Variants in HOMER2 observed in about 807,000 individuals in gnomAD.
The protein encoded by HOMER2 is homer protein homolog 2.
A neutral mutation model predicts 47.0 loss-of-function variants in HOMER2; 27 were observed. That is an observed-to-expected ratio of 0.57 (90% confidence interval 0.42 to 0.79). The LOEUF (loss-of-function observed/expected upper bound fraction) is 0.79. Ranked by LOEUF, HOMER2 falls within the 30% of genes least tolerant of loss-of-function variation. HOMER2 has a pLI of 0.00. For synonymous variants in HOMER2, 161 were observed against 163.8 expected (o/e 0.98, Z 0.13); for missense variants, 443 against 435.0 (o/e 1.02, Z -0.16).
intron 3 of HOMER2, among the ~76,000 whole-genome samples, chr15:82,875,001 T>G (rs2151069616): frequency 6.6e-6 from 1 of 152,242 alleles, no homozygotes; most frequent in East Asian, 1.9e-4. Flanking sequence ...GAGCAGTGGC[T>G]GACACCTGGA....
intron 1 of HOMER2, among the ~76,000 whole-genome samples, chr15:82,964,911 G>A (rs976487854): frequency 2.6e-5 from 4 of 152,194 alleles, no homozygotes; most frequent in African/African-American, 9.7e-5. Context: ...CCATAGGTTT[G>A]GGAAATACTA....
At chr15:82,934,830 G>A (rs1426551800) in intron 1 of HOMER2, among the ~76,000 whole-genome samples, 1 of 152,202 alleles carries the variant, frequency 6.6e-6, no homozygotes, top group African/African-American at 2.4e-5. Flanking sequence ...GTGTTTCTCT[G>A]GTAGCCTTGC....
At chr15:82,962,364 C>CAA (rs34651312) in intron 1 of HOMER2, among the ~76,000 whole-genome samples, 28 of 44,086 alleles carry the variant, frequency 6.4e-4, no homozygotes, top group African/African-American at 8.6e-4. Context: ...GACTCCGTCT[C>CAA]AAAAAAAAAA....
At chr15:82,975,858 A>G (rs1236338308) in intron 1 of HOMER2, among the ~76,000 whole-genome samples, 1 of 152,234 alleles carries the variant, frequency 6.6e-6, no homozygotes, top group African/African-American at 2.4e-5. Context: ...CTAAGAGTGT[A>G]ATTGGATTGT....
At chr15:82,846,009 G>A (rs534735554), downstream of HOMER2, 8 of 152,382 alleles carry the variant, frequency 5.2e-5, no homozygotes, top group East Asian at 1.5e-3. Flanking sequence ...GAGCCTGCAG[G>A]CTGGAGACCA....
At chr15:82,956,339 G>C (rs2054587425), upstream of HOMER2, among the ~76,000 whole-genome samples, 1 of 152,028 alleles carries the variant, frequency 6.6e-6, no homozygotes, top group Non-Finnish European at 1.5e-5. Flanking sequence ...CAACGGCCCT[G>C]AGGTGGTAGA....
intron 5 of HOMER2, among the ~76,000 whole-genome samples, chr15:82,856,488 G>A (rs868018710): frequency 2.6e-5 from 4 of 152,036 alleles, no homozygotes; most frequent in Admixed American, 6.5e-5. Context: ...GTGTGGTAGC[G>A]TGCACCTGTG....
At chr15:82,982,709 T>C (rs1217335425) in intron 1 of HOMER2, among the ~76,000 whole-genome samples, 1 of 152,176 alleles carries the variant, frequency 6.6e-6, no homozygotes, top group Non-Finnish European at 1.5e-5. Context: ...CCTCAATACT[T>C]ACAAATAATG....
chr15:82,871,890 C>A (rs185504145), intron 3 of HOMER2, among the ~76,000 whole-genome samples: 5 of 152,350 alleles, frequency 3.3e-5, no homozygotes, highest in Admixed American at 3.3e-4. Flanking sequence ...ACCTTCCCCC[C>A]TTTCTACCTA....
intron 5 of HOMER2, among the ~76,000 whole-genome samples, chr15:82,856,859 G>A (rs2051604021): frequency 6.6e-6 from 1 of 152,200 alleles, no homozygotes; most frequent in African/African-American, 2.4e-5. Context: ...GGGACAGGCT[G>A]CCTCTGGTAG....
intron 1 of HOMER2, among the ~76,000 whole-genome samples, chr15:82,903,038 A>C (rs1203758170): frequency 6.6e-6 from 1 of 152,170 alleles, no homozygotes; most frequent in East Asian, 1.9e-4. Context: ...TTCCATAGTA[A>C]AATAAATTTA....
chr15:82,870,960 C>T (rs1380929907), intron 3 of HOMER2, among the ~76,000 whole-genome samples: 1 of 152,194 alleles, frequency 6.6e-6, no homozygotes, highest in Non-Finnish European at 1.5e-5. Flanking sequence ...AGGTCAAATG[C>T]CAGAAAGAAA....
chr15:82,876,678 C>A (rs990021973), intron 2 of HOMER2, among the ~76,000 whole-genome samples: 5 of 152,208 alleles, frequency 3.3e-5, no homozygotes, highest in Non-Finnish European at 7.3e-5. Context: ...AAAGAGTGAA[C>A]CTACCAGCAA....
chr15:82,915,484 G>C (rs769781065), intron 1 of HOMER2, among the ~76,000 whole-genome samples: 3 of 152,060 alleles, frequency 2.0e-5, no homozygotes, highest in Non-Finnish European at 4.4e-5. Flanking sequence ...TGAGAGGAGT[G>C]GATCACTTGA....
intron 1 of HOMER2, among the ~76,000 whole-genome samples, chr15:82,927,741 T>C (rs1356282315): frequency 2.0e-5 from 3 of 151,932 alleles, no homozygotes; most frequent in South Asian, 2.1e-4. Flanking sequence ...GAGGCCAAGG[T>C]GGGTGGATCA....
At chr15:82,957,254 G>A (rs1274434706), upstream of HOMER2, among the ~76,000 whole-genome samples, 6 of 151,514 alleles carry the variant, frequency 4.0e-5, no homozygotes, top group Admixed American at 2.0e-4. Flanking sequence ...ACTCTAGCAC[G>A]GGCAACAGAA....
At position 82,890,679 on chromosome 15, in the gene HOMER2, T is replaced by C. The variant is rs117297374; in HGVS notation, c.162+2006A>G. On this transcript the variant is annotated intron_variant, in intron 2 of 8. Coordinates refer to ENST00000450735, the MANE Select transcript of HOMER2 (RefSeq NM_004839.4). ...GACGAATTACTAAAAGCTCAGCTAA[T>C]AGGACTAAAGCACTTGCTCTAAGAA... Among the ~76,000 whole-genome samples the C allele has an allele frequency of 3.9e-3, 595 of 152,352 alleles. 2 individuals carry two copies. The highest frequency in any genetic ancestry group is 6.3e-3 in the Non-Finnish European group (427 of 68,032).
Position 82,849,749 on chromosome 15 carries a change from C to A in HOMER2, c.998G>T (p.Arg333Leu), listed in dbSNP as rs746045063. ...DGKIDDLHDF[R>L]RGLSKLGTDN ...GGTGCCCAGCTTGGAGAGCCCTCGGCGGAAGTCATGCAGGTCGTCAATCTT... is the reference window on the plus strand; with the variant it reads ...GGTGCCCAGCTTGGAGAGCCCTCGGAGGAAGTCATGCAGGTCGTCAATCTT... Residue 333 changes from arginine to leucine, a missense_variant, in exon 9 of 9, where the codon CGC becomes CTC. By Grantham distance (102) the Arg-to-Leu change is moderately radical. Transcript: ENST00000450735. 1.2e-6 allele frequency: 2 copies of A among 1,613,816 alleles called. No homozygotes were observed. The highest frequency in any genetic ancestry group is 1.1e-5 in the South Asian group (1 of 91,054).
chr15:82,962,432 C>T (rs1449168539), intron 1 of HOMER2, among the ~76,000 whole-genome samples: 1 of 151,286 alleles, frequency 6.6e-6, no homozygotes, highest in Non-Finnish European at 1.5e-5. Flanking sequence ...ATTGCAGCAC[C>T]GTGGGAGGCT....
Sources: gnomAD v4.1 joint callset for allele counts (sites outside exome capture counted in the v4.1 genomes callset) on GRCh38, gnomAD v4.1.1 for gene constraint, MANE v1.5 for transcripts, NCBI Gene and HGNC (gene_info 2026-07-23, HGNC 2026-07-21) for gene names.